DTL: variants seen among roughly 807,000 people sequenced by gnomAD.
DTL encodes denticleless E3 ubiquitin protein ligase adapter.
Under a neutral mutation model 87.0 loss-of-function variants are expected in DTL, and 46 were observed. That is an observed-to-expected ratio of 0.53 (90% CI 0.42 to 0.68). The LOEUF is 0.68. DTL is among the 30% of genes least tolerant of loss of function. The probability of loss-of-function intolerance (pLI) is 0.00; values close to 1 mark genes in which losing one functional copy is unlikely to be tolerated. For synonymous variants in DTL, 308 were observed against 311.2 expected (o/e 0.99, Z 0.11); for missense variants, 737 against 869.4 (o/e 0.85, Z 1.91).
chr1:212,069,631 C>G (rs1056120918), intron 10 of DTL, among the ~76,000 whole-genome samples: 3 of 151,866 alleles, frequency 2.0e-5, no homozygotes, highest in Non-Finnish European at 2.9e-5. Flanking sequence ...CTGCACCCTC[C>G]GCCTCCTGGG....
intron 11 of DTL, among the ~76,000 whole-genome samples, chr1:212,076,213 G>A (rs1654824941): frequency 6.6e-6 from 1 of 152,054 alleles, no homozygotes; most frequent in African/African-American, 2.4e-5. Flanking sequence ...AATTCTCCTG[G>A]GAGTGTAGGA....
intron 13 of DTL, among the ~76,000 whole-genome samples, chr1:212,093,792 G>A (rs1655360564): frequency 6.6e-6 from 1 of 152,182 alleles, no homozygotes; most frequent in East Asian, 1.9e-4. Context: ...GGCGTGGCAG[G>A]CCAAGGTGGT....
At position 212,080,761 on chromosome 1, in the gene DTL, CAT is replaced by C; in HGVS notation, c.1261+15_1261+16del. The stretch of plus-strand genomic sequence containing the variant: ...CAAGACCTGGCCTAGGTAAGGATAT[CAT>C]ATACTTTCCAAGTTTTTTATGGTTT... On this transcript the variant is annotated intron_variant, in intron 13 of 14. Coordinates refer to ENST00000366991, the MANE Select transcript of DTL (RefSeq NM_016448.4). 2 of 1,611,934 alleles carry C rather than the reference CAT, an allele frequency of 1.2e-6. No homozygotes were observed. The highest frequency in any genetic ancestry group is 1.7e-6 in the Non-Finnish European group (2 of 1,178,968).
At chr1:212,093,290 G>A (rs1655340669) in intron 13 of DTL, among the ~76,000 whole-genome samples, 1 of 152,204 alleles carries the variant, frequency 6.6e-6, no homozygotes, top group Non-Finnish European at 1.5e-5. Context: ...TGAAGCCCCA[G>A]TGGGCGTGTG....
chr1:212,080,791 C>T (rs1283627164), intron 13 of DTL, 41 bp downstream of exon 13: 9 of 1,606,512 alleles, frequency 5.6e-6, no homozygotes, highest in South Asian at 4.4e-5. Context: ...TATGGTTTGA[C>T]TAGTTTAGTC....
chr1:212,071,443 C>G (rs1283272656), intron 10 of DTL, among the ~76,000 whole-genome samples: 1 of 152,156 alleles, frequency 6.6e-6, no homozygotes, highest in Non-Finnish European at 1.5e-5. Flanking sequence ...GAAGGCTAAA[C>G]CTAATCTAGT....
chr1:212,051,090 CT>C (rs199543097), intron 5 of DTL, among the ~76,000 whole-genome samples: 13 of 151,966 alleles, frequency 8.6e-5, no homozygotes, highest in African/African-American at 2.2e-4. Context: ...GGTGTTTAGC[CT>C]TTTTTTGCTT....
intron 2 of DTL, among the ~76,000 whole-genome samples, chr1:212,043,876 T>C (rs1415136314): frequency 6.7e-6 from 1 of 148,368 alleles, no homozygotes; most frequent in African/African-American, 2.5e-5. Context: ...CCACCCATAA[T>C]AGTTTGAGAG....
intron 5 of DTL, among the ~76,000 whole-genome samples, chr1:212,048,617 G>A (rs1251457068): frequency 1.3e-5 from 2 of 152,098 alleles, no homozygotes; most frequent in African/African-American, 2.4e-5. Flanking sequence ...TAGCAGCTAG[G>A]GAAAAACTTA....
At position 212,062,959 on chromosome 1, in the gene DTL, A is replaced by G. The variant is rs1654377017; in HGVS notation, c.526+10A>G. 1.2e-6 allele frequency: 2 copies of G among 1,604,108 alleles called. No homozygotes were observed. Among genetic ancestry groups the G allele is most frequent in the Non-Finnish European group, 1.7e-6 (2 of 1,171,138 alleles). ...AGGTGCAACAAAAAAGGTTATCTAG[A>G]TCTATTTTAATTTTGAGAGATTTGG... is the stretch of plus-strand genomic sequence containing the variant. On this transcript the variant is annotated intron_variant, in intron 6 of 14. Coordinates refer to ENST00000366991, the MANE Select transcript of DTL (RefSeq NM_016448.4).
rs921600289 is a variant in DTL at position 212,103,264 on chromosome 1, GC to G, written c.*325del. 1 of 160,272 alleles carries G rather than the reference GC, an allele frequency of 6.2e-6. No homozygotes were observed. The highest frequency in any genetic ancestry group is 2.4e-5 in the African/African-American group (1 of 41,686). 9.9% of individuals were successfully genotyped at this position (160,272 alleles called of 1,614,324 possible). Reference sequence around the variant, plus strand: ...AATAATGACATCCCAGTTCATGGAGGCAAAAAACAAGTTTCTTGTTATCCTG... The same window carrying G: ...AATAATGACATCCCAGTTCATGGAGGAAAAAACAAGTTTCTTGTTATCCTG... On this transcript the variant is annotated 3_prime_UTR_variant, in exon 15 of 15. Coordinates refer to ENST00000366991, the MANE Select transcript of DTL (RefSeq NM_016448.4).
chr1:212,065,941 G>A (rs535403391), intron 7 of DTL, among the ~76,000 whole-genome samples: 43 of 152,030 alleles, frequency 2.8e-4, no homozygotes, highest in African/African-American at 9.6e-4. Context: ...TCCTGACCTC[G>A]TGAGCCTCCC....
chr1:212,095,589 G>A (rs1278109106), intron 13 of DTL, among the ~76,000 whole-genome samples: 1 of 152,108 alleles, frequency 6.6e-6, no homozygotes, highest in East Asian at 1.9e-4. Flanking sequence ...GCCCTCCTCG[G>A]CCTCCCAAAG....
chr1:212,046,326 A>G (rs954591284), intron 3 of DTL, among the ~76,000 whole-genome samples: 3 of 152,174 alleles, frequency 2.0e-5, no homozygotes, highest in Non-Finnish European at 4.4e-5. Context: ...TGTGCAGGAC[A>G]TGCAGGTTTG....
intron 11 of DTL, among the ~76,000 whole-genome samples, chr1:212,073,211 C>A (rs1654728989): frequency 6.6e-6 from 1 of 152,124 alleles, no homozygotes; most frequent in South Asian, 2.1e-4. Flanking sequence ...TGAAAAATGT[C>A]TCTTGAAGGA....
intron 13 of DTL, among the ~76,000 whole-genome samples, chr1:212,091,764 C>T (rs761495692): frequency 1.3e-5 from 2 of 152,124 alleles, no homozygotes; most frequent in Non-Finnish European, 2.9e-5. Context: ...AGTAGAATAA[C>T]GTACTATGTA....
chr1:212,040,024 C>A (rs752378185), intron 1 of DTL, among the ~76,000 whole-genome samples: 1 of 152,164 alleles, frequency 6.6e-6, no homozygotes, highest in Non-Finnish European at 1.5e-5. Flanking sequence ...AATAAATTAA[C>A]CTTAGCTTAC....
chr1:212,083,071 G>A (rs1655032709), intron 13 of DTL, among the ~76,000 whole-genome samples: 1 of 152,160 alleles, frequency 6.6e-6, no homozygotes, highest in Admixed American at 6.5e-5. Context: ...TTTTCACACT[G>A]CTGATAAAGA....
At chr1:212,098,515 G>A (rs1407140155) in intron 13 of DTL, among the ~76,000 whole-genome samples, 1 of 152,134 alleles carries the variant, frequency 6.6e-6, no homozygotes. Context: ...AGGGCGGTTA[G>A]AGAAAGACCA....
Sources: allele counts gnomAD v4.1 joint callset (sites outside exome capture counted in the v4.1 genomes callset), GRCh38; gene constraint gnomAD v4.1.1; transcripts MANE v1.5; gene names NCBI Gene and HGNC (gene_info 2026-07-23, HGNC 2026-07-21).